Variants in CLCA2 observed in about 807,000 individuals in gnomAD.
CLCA2 encodes calcium-activated chloride channel regulator 2.
In CLCA2, 85 loss-of-function variants were observed where a neutral mutation model predicts 82.9. The ratio of observed to expected loss-of-function variants is 1.03; its 90% CI spans 0.86 to 1.23. The LOEUF (loss-of-function observed/expected upper bound fraction) is 1.23, where lower values mean the gene tolerates loss of function less well. Ranked by LOEUF, CLCA2 falls within the 50% of genes most tolerant of loss-of-function variation. The pLI is 0.00. For synonymous variants in CLCA2, 421 were observed against 391.7 expected (o/e 1.07, Z -0.88); for missense variants, 1,089 against 1,124.8 (o/e 0.97, Z 0.45).
intron 1 of CLCA2, among the ~76,000 whole-genome samples, chr1:86,424,846 G>T (rs1052576288): frequency 2.6e-5 from 4 of 152,262 alleles, no homozygotes; most frequent in African/African-American, 9.6e-5. Context: ...GAATTCTCAG[G>T]CAGAAAGGGT....
intron 2 of CLCA2, among the ~76,000 whole-genome samples, chr1:86,426,695 C>A (rs1046927141): frequency 3.3e-5 from 5 of 152,164 alleles, no homozygotes; most frequent in Non-Finnish European, 5.9e-5. Flanking sequence ...AAGGTATGGA[C>A]TTTGTCCCAA....
At chr1:86,437,858 C>T (rs1261415447) in intron 6 of CLCA2, among the ~76,000 whole-genome samples, 1 of 151,724 alleles carries the variant, frequency 6.6e-6, no homozygotes, top group East Asian at 1.9e-4. Context: ...ATTGTGAGTG[C>T]TTACTCAGTA....
In CLCA2 at chr1:86,446,673, G is replaced by C. The variant is rs191436992; in HGVS notation, c.1714-835G>C. 1.6e-3 allele frequency among the ~76,000 whole-genome samples: 240 copies of C among 152,278 alleles called. 1 individual carries two copies. The highest frequency in any genetic ancestry group is 5.4e-3 in the African/African-American group (223 of 41,572). ...ATCTGAACTCTCCACCCTGAGTTAC[G>C]CTTCAACCCCTTGCTTTTCTGTTCT... On this transcript the variant is annotated intron_variant, in intron 10 of 13. Transcript: ENST00000370565.
chr1:86,439,106 G>A lies in CLCA2; in HGVS notation c.1203G>A (p.Glu401=), dbSNP rs199902560. 82 of 1,613,172 alleles carry A rather than the reference G, an allele frequency of 5.1e-5. No individual in the cohort carries two copies. The highest frequency in any genetic ancestry group is 6.1e-5 in the Non-Finnish European group (72 of 1,179,212). The change falls in exon 7 of 14, where the codon GAG becomes GAA. Residue 401 remains glutamate (E), a splice_region_variant and synonymous_variant. Transcript: ENST00000370565. The part of the protein sequence containing the change: ...SICSGLKKGF[E]VVEKLNGKAY... Reference sequence around the variant, plus strand: ...GTTCAGGGCTTAAGAAAGGATTTGAGGTACAGTAGAGCATCCTAAGCCTTG... The same window carrying A: ...GTTCAGGGCTTAAGAAAGGATTTGAAGTACAGTAGAGCATCCTAAGCCTTG...
intron 6 of CLCA2, among the ~76,000 whole-genome samples, chr1:86,438,672 C>T (rs963207484): frequency 6.6e-6 from 1 of 152,160 alleles, no homozygotes; most frequent in East Asian, 1.9e-4. Flanking sequence ...CCCCAAGCCA[C>T]TCCCTCTTCC....
chr1:86,434,942 A>C (rs1570256431), intron 6 of CLCA2, among the ~76,000 whole-genome samples, 197 bp downstream of exon 6: 1 of 151,956 alleles, frequency 6.6e-6, no homozygotes, highest in East Asian at 1.9e-4. Context: ...TTAACTATTT[A>C]TCCTGATGCT....
rs1233484715 is a variant in CLCA2, at chr1:86,424,310, C to T, written c.63C>T (p.Ala21=). 1 of 1,613,894 alleles carries T rather than the reference C, an allele frequency of 6.2e-7. No individual in the cohort carries two copies. The highest frequency in any genetic ancestry group is 1.1e-5 in the South Asian group (1 of 91,060). ...CNLKFVTLLV[A]LSSELPFLGA... is the part of the protein sequence containing the mutation. ...TGAAGTTTGTGACTCTCCTGGTTGC[C>T]TTAAGTTCAGAACTCCCATTCCTGG... Residue 21 remains alanine (A), a synonymous_variant, in exon 1 of 14, where the codon GCC becomes GCT. Coordinates refer to ENST00000370565, the MANE Select transcript of CLCA2 (RefSeq NM_006536.7).
intron 11 of CLCA2, among the ~76,000 whole-genome samples, chr1:86,450,271 G>C (rs1662934625): frequency 6.6e-6 from 1 of 152,162 alleles, no homozygotes; most frequent in East Asian, 1.9e-4. Flanking sequence ...GAAAAAACTA[G>C]TATTATTTTC....
Position 86,447,712 on chromosome 1 carries a change from G to A in CLCA2, c.1918G>A (p.Val640Ile). Residue 640 changes from valine to isoleucine, a missense_variant, in exon 11 of 14, where the codon GTC becomes ATC. Transcript: ENST00000370565. ...ATTTTATCCCATTCTTAATGCCACT[G>A]TCACTGCCACAGTTGAGCCAGAGAC... ...QGFYPILNAT[V>I]TATVEPETGD... The A allele has an allele frequency of 6.2e-7, 1 of 1,614,022 alleles. No individual in the cohort carries two copies.
rs1160826493 is a variant in CLCA2 at position 86,440,299 on chromosome 1, A to G, written c.1355A>G (p.Asn452Ser). 6 of 1,613,836 alleles carry G rather than the reference A, an allele frequency of 3.7e-6. No individual in the cohort carries two copies. The highest frequency in any genetic ancestry group is 5.1e-6 in the Non-Finnish European group (6 of 1,179,980). The change falls in exon 8 of 14, where the codon AAT becomes AGT. Residue 452 changes from asparagine to serine, a missense_variant. Physicochemically the swap from Asn to Ser is conservative, Grantham distance 46. Coordinates refer to ENST00000370565, the MANE Select transcript of CLCA2 (RefSeq NM_006536.7). ...GCCCTGGGTTCATCTGCAGCCCCAA[A>G]TCTGGAGGAATTATCACGTCTTACA... is the stretch of plus-strand genomic sequence containing the variant. The part of the protein sequence containing the change: ...SIALGSSAAP[N>S]LEELSRLTGG...
At chr1:86,450,449 G>A in intron 11 of CLCA2, 114 bp from the exon 12 acceptor site, 1 of 740,634 alleles carries the variant, frequency 1.4e-6, no homozygotes, top group Non-Finnish European at 2.0e-6. Context: ...ATAAGAGCAT[G>A]ATAATATATC....
chr1:86,424,196 C>A lies in CLCA2; in HGVS notation c.-52C>A. 6.6e-7 allele frequency: 1 copy of A among 1,526,586 alleles called. No homozygotes were observed. The allele number at this position is 1,526,586 out of a possible 1,614,324, so 94.6% of individuals were successfully genotyped here. A position where few individuals can be genotyped will look rare whatever the true frequency, so the allele number is the denominator to read the frequency against. On this transcript the variant is annotated 5_prime_UTR_variant, in exon 1 of 14. Transcript: ENST00000370565. ...ATCTGCATCCATATTGAAAACCTGA[C>A]ACAATGTATGCAGCAGGCTCAGTGT...
At chr1:86,441,662 T>C (rs1177343186) in intron 9 of CLCA2, 119 bp downstream of exon 9, 5 of 629,446 alleles carry the variant, frequency 7.9e-6, no homozygotes, top group Non-Finnish European at 1.4e-5. Flanking sequence ...GTAACAGCTG[T>C]GTATGGAAGG....
intron 1 of CLCA2, 103 bp from the exon 2 acceptor site, chr1:86,425,236 C>T (rs1558098490): frequency 6.0e-6 from 5 of 829,130 alleles, no homozygotes; most frequent in Non-Finnish European, 8.7e-6. Context: ...TGGGTCTCTT[C>T]AAAATATTTC....
At chr1:86,446,020 GA>G (rs1171988874) in intron 10 of CLCA2, among the ~76,000 whole-genome samples, 1 of 151,502 alleles carries the variant, frequency 6.6e-6, no homozygotes, top group Non-Finnish European at 1.5e-5. Context: ...ACTAAATAGG[GA>G]AAAAAAATCA....
At position 86,434,662 on chromosome 1, in the gene CLCA2, C is replaced by T; in HGVS notation, c.889C>T (p.Pro297Ser). 6.2e-7 allele frequency: 1 copy of T among 1,614,136 alleles called. No homozygotes were observed. The highest frequency in any genetic ancestry group is 8.5e-7 in the Non-Finnish European group (1 of 1,180,000). The change falls in exon 6 of 14, where the codon CCA becomes TCA. Residue 297 changes from proline (P) to serine (S), a missense_variant. Coordinates refer to ENST00000370565, the MANE Select transcript of CLCA2 (RefSeq NM_006536.7). ...HSFPMNGTEL[P>S]PPPTFSLVQA... ...CTTTCCCATGAATGGGACTGAGCTT[C>T]CACCTCCTCCCACATTCTCGCTTGT...
chr1:86,450,629 G>C lies in CLCA2; in HGVS notation c.2051G>C (p.Arg684Thr), dbSNP rs775666804. 2.4e-5 allele frequency: 38 copies of C among 1,613,164 alleles called. No individual in the cohort carries two copies. Among genetic ancestry groups the C allele is most frequent in the Non-Finnish European group, 3.1e-5 (36 of 1,179,528 alleles). ...TTTTTCTCCTTTGCTGCAAATGGTA[G>C]ATATAGCTTGAAAGTGCATGTCAAT... ...RYFFSFAANG[R>T]YSLKVHVNHS... is the part of the protein sequence containing the mutation. Residue 684 changes from arginine to threonine, a missense_variant, in exon 12 of 14, where the codon AGA (arginine) becomes ACA (threonine). Coordinates refer to ENST00000370565, the MANE Select transcript of CLCA2 (RefSeq NM_006536.7).
At chr1:86,427,558 A>G (rs1662412829) in intron 2 of CLCA2, among the ~76,000 whole-genome samples, 1 of 151,738 alleles carries the variant, frequency 6.6e-6, no homozygotes, top group Non-Finnish European at 1.5e-5. Flanking sequence ...ACACACACAC[A>G]CACACACACA....
intron 13 of CLCA2, 99 bp downstream of exon 13, chr1:86,453,701 G>A: frequency 9.5e-7 from 1 of 1,057,970 alleles, no homozygotes; most frequent in Non-Finnish European, 1.4e-6. Flanking sequence ...GAGGATTGTT[G>A]TGAAAAGCTC....
Sources: gnomAD v4.1 joint callset for allele counts (sites outside exome capture counted in the v4.1 genomes callset) on GRCh38, gnomAD v4.1.1 for gene constraint, MANE v1.5 for transcripts, NCBI Gene and HGNC (gene_info 2026-07-23, HGNC 2026-07-21) for gene names.